SLCO3A1: variants seen among roughly 807,000 people sequenced by gnomAD.
SLCO3A1 encodes the protein PGE1 transporter.
In SLCO3A1, 27 loss-of-function variants were observed where a neutral mutation model predicts 63.1. The observed-to-expected ratio is 0.43, with a 90% confidence interval of 0.32 to 0.59. SLCO3A1 has a LOEUF of 0.59. Ranked by LOEUF, SLCO3A1 falls within the 20% of genes least tolerant of loss-of-function variation. The probability of loss-of-function intolerance (pLI) is 0.09; values close to 1 mark genes in which losing one functional copy is unlikely to be tolerated. For missense variants in SLCO3A1, 773 were observed against 945.8 expected, an observed-to-expected ratio of 0.82 and a Z score of 2.40; for synonymous variants, 473 against 409.9, an observed-to-expected ratio of 1.15 and a Z score of -1.86.
At chr15:92,020,774 G>A (rs80125084) in intron 2 of SLCO3A1, among the ~76,000 whole-genome samples, 1 of 152,222 alleles carries the variant, frequency 6.6e-6, no homozygotes, top group Non-Finnish European at 1.5e-5. Context: ...TATCCATGTG[G>A]GCAGTGGTGG....
intron 4 of SLCO3A1, among the ~76,000 whole-genome samples, chr15:92,112,963 C>T (rs1352212172): frequency 1.3e-5 from 2 of 152,204 alleles, no homozygotes; most frequent in Non-Finnish European, 2.9e-5. Flanking sequence ...CAAATGCAGT[C>T]AGCCTTGCTG....
At chr15:92,133,212 T>C (rs78795020) in intron 7 of SLCO3A1, among the ~76,000 whole-genome samples, 6,963 of 146,060 alleles carry the variant, frequency 0.048, 1,039 homozygotes, top group African/African-American at 0.16. Flanking sequence ...CCTCGGGGGA[T>C]ATCATCACCC....
intron 2 of SLCO3A1, among the ~76,000 whole-genome samples, chr15:91,977,717 A>T (rs2151433960): frequency 6.6e-6 from 1 of 152,308 alleles, no homozygotes; most frequent in Non-Finnish European, 1.5e-5. Context: ...CTAAAGAGCT[A>T]ATCCAAAAAA....
intron 1 of SLCO3A1, among the ~76,000 whole-genome samples, chr15:91,902,466 A>G (rs1898184477): frequency 6.6e-6 from 1 of 151,644 alleles, no homozygotes. Flanking sequence ...TGCCCCAACC[A>G]GCACTACTGG....
At chr15:92,034,548 G>C (rs1051008299) in intron 2 of SLCO3A1, among the ~76,000 whole-genome samples, 1 of 151,700 alleles carries the variant, frequency 6.6e-6, no homozygotes, top group African/African-American at 2.4e-5. Context: ...CTCCCTTGCT[G>C]AGCAATCAGA....
At position 92,163,171 on chromosome 15, in the gene SLCO3A1, C is replaced by T; in HGVS notation, c.*36C>T. 7.0e-7 allele frequency: 1 copy of T among 1,428,552 alleles called. No homozygotes were observed. Among genetic ancestry groups the T allele is most frequent in the Non-Finnish European group, 9.1e-7 (1 of 1,092,922 alleles). The allele number at this position is 1,428,552 out of a possible 1,614,324, so 88.5% of individuals were successfully genotyped here. A position where few individuals can be genotyped will look rare whatever the true frequency, so the allele number is the denominator to read the frequency against. On this transcript the variant is annotated 3_prime_UTR_variant, in exon 10 of 10. Transcript: ENST00000318445. ...AGGGCTGAACTCTGTATTAGTAATC[C>T]AAGGGTCATTTTTTTCTTAAAAAAA... is the stretch of plus-strand genomic sequence containing the variant.
chr15:92,163,553 AATT>A lies in SLCO3A1; in HGVS notation c.*420_*422del. 1.1e-6 allele frequency: 1 copy of A among 912,138 alleles called. No homozygotes were observed. The highest frequency in any genetic ancestry group is 3.0e-5 in the African/African-American group (1 of 33,556). The allele number at this position is 912,138 out of a possible 1,614,324, so 56.5% of individuals were successfully genotyped here. A position where few individuals can be genotyped will look rare whatever the true frequency, so the allele number is the denominator to read the frequency against. On this transcript the variant is annotated 3_prime_UTR_variant, in exon 10 of 10. Transcript: ENST00000318445. ...AAAAGAAGTTTCCTAAAATAAAAAA[AATT>A]AAAAAAAAAAAACCCACAAGTTGAA...
rs183473470 is a variant in SLCO3A1, at chr15:92,031,641, A to G, written c.647-63240A>G. Among the ~76,000 whole-genome samples the G allele has an allele frequency of 3.5e-4, 54 of 152,324 alleles. No homozygotes were observed. In the East Asian group the frequency reaches 7.0e-3, roughly 20 times the overall value. ...CATCACCTTCACTCTTGGGAGGGGC[A>G]TAGAGCTGGGCCAAGGACACAGTCT... On this transcript the variant is annotated intron_variant, in intron 2 of 9. Transcript: ENST00000318445.
intron 4 of SLCO3A1, among the ~76,000 whole-genome samples, chr15:92,114,434 G>A (rs1044605559): frequency 4.6e-5 from 7 of 152,086 alleles, no homozygotes; most frequent in African/African-American, 1.4e-4. Context: ...TTGGTCCCAC[G>A]TGGCTTCTGG....
chr15:92,159,345 C>A (rs939364331), intron 9 of SLCO3A1, among the ~76,000 whole-genome samples: 1 of 151,882 alleles, frequency 6.6e-6, no homozygotes, highest in Non-Finnish European at 1.5e-5. Flanking sequence ...ATTAGCCGGG[C>A]GTGGTGGCAG....
In SLCO3A1 at chr15:91,865,254, G is replaced by A. The variant is rs557569508; in HGVS notation, c.180+11166G>A. The stretch of plus-strand genomic sequence containing the variant: ...TTAAACTTTTCCTTTTGTAGAGTTC[G>A]TAGGACAGTAGGATTATTCCCTAAC... On this transcript the variant is annotated intron_variant, in intron 1 of 9. Coordinates refer to ENST00000318445, the MANE Select transcript of SLCO3A1 (RefSeq NM_013272.4). This position sits in a 1 kb window ranked among gnomAD's most constrained non-coding sequence, Gnocchi z 4.6. 2.0e-5 allele frequency among the ~76,000 whole-genome samples: 3 copies of A among 152,292 alleles called. No individual in the cohort carries two copies. Among genetic ancestry groups the A allele is most frequent in the South Asian group, 2.1e-4 (1 of 4,822 alleles).
intron 2 of SLCO3A1, among the ~76,000 whole-genome samples, chr15:92,035,194 GA>G: frequency 6.6e-6 from 1 of 151,832 alleles, no homozygotes; most frequent in Admixed American, 6.6e-5. Context: ...GTGGCCTCAT[GA>G]GTTCTCTGGA....
Position 91,854,463 on chromosome 15 carries a change from G to A in SLCO3A1, c.180+375G>A. 1 of 793,344 alleles carries A rather than the reference G, an allele frequency of 1.3e-6. No individual in the cohort carries two copies. The highest frequency in any genetic ancestry group is 1.5e-6 in the Non-Finnish European group (1 of 648,328). The allele number at this position is 793,344 out of a possible 1,614,324, so 49.1% of individuals were successfully genotyped here. ...AACGAAAAAGCGTCGGGGTTTTCAG[G>A]TGACCTGCACATGGGAAGAAAAACC... On this transcript the variant is annotated intron_variant, in intron 1 of 9. Transcript: ENST00000318445. This position sits in a 1 kb window ranked among gnomAD's most constrained non-coding sequence, Gnocchi z 6.4.
chr15:92,000,920 T>G (rs2046246843), intron 2 of SLCO3A1, among the ~76,000 whole-genome samples: 1 of 152,172 alleles, frequency 6.6e-6, no homozygotes. Context: ...CTGGGGTAGT[T>G]GGAGGGCTTT....
At chr15:91,864,619 T>C (rs535255678) in intron 1 of SLCO3A1, among the ~76,000 whole-genome samples, 1 of 152,030 alleles carries the variant, frequency 6.6e-6, no homozygotes, top group Non-Finnish European at 1.5e-5. Flanking sequence ...TAGGATTTCA[T>C]TGGGGAATAC....
At position 92,014,754 on chromosome 15, in the gene SLCO3A1, A is replaced by G. The variant is rs79905101; in HGVS notation, c.647-80127A>G. ...GAGGAAAATGGGGCACTTTGAGGAT[A>G]TTGTCCTTCTCTGTGGAGGGAGAAG... On this transcript the variant is annotated intron_variant, in intron 2 of 9. Transcript: ENST00000318445. Among the ~76,000 whole-genome samples, 399 of 152,194 alleles carry G rather than the reference A, an allele frequency of 2.6e-3. 1 individual carries two copies. The highest frequency in any genetic ancestry group is 9.2e-3 in the African/African-American group (384 of 41,550).
chr15:91,892,811 C>G lies in SLCO3A1; in HGVS notation c.181-23182C>G, dbSNP rs143706973. On this transcript the variant is annotated intron_variant, in intron 1 of 9. Transcript: ENST00000318445. ...TCCCCAGTAAGTTTCTGAAATCTCTCTGTGCTGAAATTTCCTTGTACGTAA... is the reference window on the plus strand; with the variant it reads ...TCCCCAGTAAGTTTCTGAAATCTCTGTGTGCTGAAATTTCCTTGTACGTAA... Among the ~76,000 whole-genome samples the G allele has an allele frequency of 1.7e-3, 265 of 152,350 alleles. 4 individuals are homozygous for G. The highest frequency in any genetic ancestry group is 6.2e-3 in the African/African-American group (256 of 41,580).
rs796611660 is a variant in SLCO3A1 at position 91,971,403 on chromosome 15, A to ATAAAAAATAAAAAAT, written c.646+54945_646+54946insTAAAAAATAAAAAAT. Among the ~76,000 whole-genome samples, 227 of 145,612 alleles carry ATAAAAAATAAAAAAT rather than the reference A, an allele frequency of 1.6e-3. 28 individuals carry two copies. Among genetic ancestry groups the ATAAAAAATAAAAAAT allele is most frequent in the African/African-American group, 5.5e-3 (218 of 39,980 alleles). ...GAGCGAGACTCCATCTCAAAAAAAA[A>ATAAAAAATAAAAAAT]AAAAAAAGCAACCTCTTCCTTCTTG... On this transcript the variant is annotated intron_variant, in intron 2 of 9. Coordinates refer to ENST00000318445, the MANE Select transcript of SLCO3A1 (RefSeq NM_013272.4).
In SLCO3A1 at chr15:92,162,782, G is replaced by A; in HGVS notation, c.1780G>A (p.Gly594Arg). 6.2e-7 allele frequency: 1 copy of A among 1,613,690 alleles called. No individual in the cohort carries two copies. Among genetic ancestry groups the A allele is most frequent in the Non-Finnish European group, 8.5e-7 (1 of 1,179,868 alleles). ...CTTCATCCCTCCACCCCTCATCTTC[G>A]GGGCTGGCATCGACTCCACCTGCCT... ...LGFIPPPLIF[G>R]AGIDSTCLFW... The change falls in exon 10 of 10, where the codon GGG (glycine) becomes AGG (arginine). Residue 594 changes from glycine to arginine, a missense_variant. By Grantham distance (125) the Gly-to-Arg change is moderately radical. Transcript: ENST00000318445.
Sources: allele counts gnomAD v4.1 joint callset (sites outside exome capture counted in the v4.1 genomes callset), GRCh38; gene constraint gnomAD v4.1.1; non-coding constraint Gnocchi (gnomAD v3.1); transcripts MANE v1.5; gene names NCBI Gene and HGNC (gene_info 2026-07-23, HGNC 2026-07-21).